DST: variants seen among roughly 807,000 people sequenced by gnomAD.
DST encodes the protein dystonin, also known as bullous pemphigoid antigen.
A neutral mutation model predicts 875.2 loss-of-function variants in DST; 253 were observed. The ratio of observed to expected loss-of-function variants is 0.29; its 90% CI spans 0.26 to 0.32. The LOEUF is 0.32. DST is among the 10% of genes least tolerant of loss of function. The probability of loss-of-function intolerance (pLI) is 1.00; values close to 1 mark genes in which losing one functional copy is unlikely to be tolerated. For synonymous variants in DST, 3,124 were observed against 3,197.1 expected (o/e 0.98, Z 0.77); for missense variants, 8,287 against 9,111.6 (o/e 0.91, Z 3.68).
chr6:56,871,115 C>T, intron 3 of DST: 3 of 579,366 alleles, frequency 5.2e-6, no homozygotes, highest in South Asian at 2.0e-5. Context: ...AATAAACATA[C>T]AAAAAGATAT....
At chr6:56,544,921 A>C (rs1394277634) in intron 61 of DST, among the ~76,000 whole-genome samples, 1 of 152,192 alleles carries the variant, frequency 6.6e-6, no homozygotes, top group African/African-American at 2.4e-5. Context: ...AATTTGGTTT[A>C]GACAGCTACT....
chr6:56,661,454 T>C (rs1174310152), intron 10 of DST, among the ~76,000 whole-genome samples: 1 of 152,110 alleles, frequency 6.6e-6, no homozygotes, highest in Non-Finnish European at 1.5e-5. Context: ...TCCCTCAAGC[T>C]TTACAGCCCT....
rs768068616 is a variant in DST at position 56,693,069 on chromosome 6, T to C, written c.1047+6584A>G. 2.3e-6 allele frequency: 3 copies of C among 1,289,668 alleles called. No homozygotes were observed. In the African/African-American group the frequency reaches 4.6e-5, roughly 20 times the overall value. The allele number at this position is 1,289,668 out of a possible 1,614,324, so 79.9% of individuals were successfully genotyped here. A position where few individuals can be genotyped will look rare whatever the true frequency, so the allele number is the denominator to read the frequency against. Reference sequence around the variant, plus strand: ...AATATTTTCTTCCAGGAGAGTATTTTTCAGGGTTCAAAGGAGTTTTGGCAG... The same window carrying C: ...AATATTTTCTTCCAGGAGAGTATTTCTCAGGGTTCAAAGGAGTTTTGGCAG... On this transcript the variant is annotated intron_variant, in intron 9 of 103. Transcript: ENST00000680361.
chr6:56,614,601 TA>T, intron 36 of DST, 117 bp from the exon 37 acceptor site: 2 of 1,322,334 alleles, frequency 1.5e-6, no homozygotes, highest in Non-Finnish European at 1.9e-6. Flanking sequence ...CACAGGTTAC[TA>T]AAACATTTTA....
At chr6:56,619,448 T>G in intron 36 of DST, 1 of 1,612,120 alleles carries the variant, frequency 6.2e-7, no homozygotes, top group Non-Finnish European at 8.5e-7. Context: ...TTCTTTTAGA[T>G]GATCTGATTT....
rs554971004 is a variant in DST at position 56,552,648 on chromosome 6, G to T, written c.16144C>A (p.Gln5382Lys). 1 of 1,613,964 alleles carries T rather than the reference G, an allele frequency of 6.2e-7. No individual in the cohort carries two copies. Among genetic ancestry groups the T allele is most frequent in the East Asian group, 2.2e-5 (1 of 44,884 alleles). ...GTATTCTGGAAATGCCCAATGCCCT[G>T]AAGCTTGGTTTCTAAGAAAGAACAC... is the stretch of plus-strand genomic sequence containing the variant. ...EKCSFLETKL[Q>K]GIGHFQNTIR... is the part of the protein sequence containing the mutation. The change falls in exon 61 of 104, where the codon CAG (glutamine) becomes AAG (lysine). Residue 5382 changes from glutamine (Q) to lysine (K), a missense_variant. Physicochemically the swap from Gln to Lys is moderately conservative, Grantham distance 53. Transcript: ENST00000680361.
chr6:56,661,756 T>G (rs2099043617), intron 10 of DST, among the ~76,000 whole-genome samples: 1 of 151,996 alleles, frequency 6.6e-6, no homozygotes, highest in Admixed American at 6.5e-5. Flanking sequence ...CTGGCTAACT[T>G]TTTGTATTTT....
At chr6:56,468,776 T>C (rs1387528583) in intron 98 of DST, among the ~76,000 whole-genome samples, 1 of 152,168 alleles carries the variant, frequency 6.6e-6, no homozygotes, top group Non-Finnish European at 1.5e-5. Context: ...TGCTTAAAAG[T>C]AATCTCCTCA....
chr6:56,526,249 G>T, intron 69 of DST, 112 bp downstream of exon 69: 1 of 1,147,016 alleles, frequency 8.7e-7, no homozygotes, highest in Non-Finnish European at 1.2e-6. Flanking sequence ...TTTCATTTTG[G>T]AAGCACAGCA....
chr6:56,804,826 G>GTGTCATTTCAAGC (rs536545183), intron 4 of DST, among the ~76,000 whole-genome samples: 1 of 152,018 alleles, frequency 6.6e-6, no homozygotes. Context: ...TGCTACTATA[G>GTGTCATTTCAAGC]TGTCATTTCA....
At chr6:56,810,594 T>C (rs1220069797) in intron 4 of DST, among the ~76,000 whole-genome samples, 1 of 152,024 alleles carries the variant, frequency 6.6e-6, no homozygotes, top group Non-Finnish European at 1.5e-5. Flanking sequence ...TGGTATGTAA[T>C]GTTAAAGCAG....
intron 88 of DST, 41 bp downstream of exon 88, chr6:56,485,271 T>A (rs769704392): frequency 1.9e-6 from 3 of 1,608,178 alleles, no homozygotes; most frequent in Non-Finnish European, 2.6e-6. Context: ...ACACTCAGAA[T>A]AATCAAACAA....
intron 92 of DST, chr6:56,474,422 T>C (rs2095063256): frequency 6.3e-6 from 1 of 157,610 alleles, no homozygotes; most frequent in African/African-American, 2.4e-5. Flanking sequence ...AGGCAGAGGT[T>C]GCAGTGAGCC....
At chr6:56,725,472 G>A (rs766711588) in intron 5 of DST, among the ~76,000 whole-genome samples, 8 of 152,150 alleles carry the variant, frequency 5.3e-5, no homozygotes, top group Non-Finnish European at 1.2e-4. Context: ...GCTGCTCTGG[G>A]AGTCCAAGAT....
At chr6:56,810,928 T>A (rs1217966869) in intron 4 of DST, among the ~76,000 whole-genome samples, 3 of 151,896 alleles carry the variant, frequency 2.0e-5, no homozygotes, top group African/African-American at 7.3e-5. Flanking sequence ...TTGCTTGAAA[T>A]CCCAGCACTT....
At chr6:56,717,199 A>G (rs572107083) in intron 5 of DST, among the ~76,000 whole-genome samples, 1 of 148,364 alleles carries the variant, frequency 6.7e-6, no homozygotes, top group Non-Finnish European at 1.5e-5. Flanking sequence ...ATAAATAAAT[A>G]AATAAATAAA....
chr6:56,781,956 C>T (rs527554938), intron 4 of DST, among the ~76,000 whole-genome samples: 3 of 152,186 alleles, frequency 2.0e-5, no homozygotes, highest in East Asian at 1.9e-4. Context: ...TTGTCAAAGG[C>T]CTTTTCTGCA....
Position 56,573,803 on chromosome 6 carries a change from A to AGTGAAC in DST, c.13106_13111dup (p.Arg4369_Ser4370dup). ...TTCATCCAAGCCATCCTGCACACTC[A>AGTGAAC]GTGAACGGGTCAAGGTTATCTGGAG... On this transcript the variant is annotated inframe_insertion, in exon 51 of 104. Coordinates refer to ENST00000680361, the MANE Select transcript of DST (RefSeq NM_001374736.1). The AGTGAAC allele has an allele frequency of 6.2e-7, 1 of 1,613,576 alleles. No homozygotes were observed.
intron 2 of DST, among the ~76,000 whole-genome samples, chr6:56,905,659 T>C (rs1374072126): frequency 6.6e-6 from 1 of 152,030 alleles, no homozygotes; most frequent in Non-Finnish European, 1.5e-5. Flanking sequence ...TCTACTTTTT[T>C]TTTTTTTTAG....
Sources: gnomAD v4.1 joint callset for allele counts (sites outside exome capture counted in the v4.1 genomes callset) on GRCh38, gnomAD v4.1.1 for gene constraint, MANE v1.5 for transcripts, NCBI Gene and HGNC (gene_info 2026-07-23, HGNC 2026-07-21) for gene names.